Variants in USP20 observed in about 807,000 individuals in gnomAD.
USP20 encodes the protein ubiquitin carboxyl-terminal hydrolase 20.
In USP20, 80 loss-of-function variants were observed where a neutral mutation model predicts 124.2. The observed-to-expected ratio is 0.64, with a 90% confidence interval of 0.54 to 0.78. The LOEUF is 0.78. Ranked by LOEUF, USP20 falls within the 30% of genes least tolerant of loss-of-function variation. USP20 has a pLI of 0.00. For synonymous variants in USP20, 481 were observed against 512.3 expected (o/e 0.94, Z 0.83); for missense variants, 1,043 against 1,244.4 (o/e 0.84, Z 2.44).
chr9:129,876,094 C>A, intron 21 of USP20, 36 bp from the exon 22 acceptor site: 1 of 1,573,178 alleles, frequency 6.4e-7, no homozygotes, highest in Non-Finnish European at 8.7e-7. Flanking sequence ...TGGTACCCCG[C>A]TCAGGCCGTG....
chr9:129,841,209 G>A (rs2032190878), intron 1 of USP20, among the ~76,000 whole-genome samples: 1 of 152,188 alleles, frequency 6.6e-6, no homozygotes, highest in Non-Finnish European at 1.5e-5. Flanking sequence ...TCAAGGTGCC[G>A]ACAGGTTTGG....
Position 129,873,693 on chromosome 9 carries a change from C to A in USP20, c.1695-6C>A. 6.2e-7 allele frequency: 1 copy of A among 1,613,460 alleles called. No individual in the cohort carries two copies. The highest frequency in any genetic ancestry group is 8.5e-7 in the Non-Finnish European group (1 of 1,180,016). On this transcript the variant is annotated splice_polypyrimidine_tract_variant and splice_region_variant and intron_variant, in intron 16 of 25. Coordinates refer to ENST00000372429, the MANE Select transcript of USP20 (RefSeq NM_001110303.4). ...ACACTGATGCTGGCTCGTGCTTCCT[C>A]CCCAGGCTGCGGAACGGAGTGAAGT...
intron 22 of USP20, among the ~76,000 whole-genome samples, chr9:129,877,792 G>C (rs758396795): frequency 4.4e-4 from 67 of 152,168 alleles, no homozygotes; most frequent in Non-Finnish European, 7.1e-4. Flanking sequence ...CATCTCCCAG[G>C]CCGGGCGCAG....
chr9:129,875,642 G>A lies in USP20; in HGVS notation c.2300+1G>A. On this transcript the variant is annotated splice_donor_variant, in intron 21 of 25. Coordinates refer to ENST00000372429, the MANE Select transcript of USP20 (RefSeq NM_001110303.4). LOFTEE classifies it high-confidence loss of function. ...ACGTCTGGGAGCACCTGTACAACAGGTGAGAGCCTGGGAGGCCAACTTGTC... is the reference window on the plus strand; with the variant it reads ...ACGTCTGGGAGCACCTGTACAACAGATGAGAGCCTGGGAGGCCAACTTGTC... 6.2e-7 allele frequency: 1 copy of A among 1,613,868 alleles called. No homozygotes were observed. Among genetic ancestry groups the A allele is most frequent in the Non-Finnish European group, 8.5e-7 (1 of 1,179,950 alleles).
chr9:129,878,595 G>T (rs754928854), intron 23 of USP20, among the ~76,000 whole-genome samples, 155 bp downstream of exon 23: 1 of 152,190 alleles, frequency 6.6e-6, no homozygotes, highest in Admixed American at 6.5e-5. Flanking sequence ...ATGGGGCTTT[G>T]CCAGTCCCCA....
intron 10 of USP20, 136 bp downstream of exon 10, chr9:129,865,517 C>T (rs1471350984): frequency 2.3e-6 from 2 of 861,074 alleles, no homozygotes; most frequent in Admixed American, 2.1e-5. Flanking sequence ...GGCTCTCACT[C>T]CTAAGCCCTT....
At chr9:129,837,126 G>A (rs1411542799) in intron 1 of USP20, among the ~76,000 whole-genome samples, 1 of 152,202 alleles carries the variant, frequency 6.6e-6, no homozygotes, top group Non-Finnish European at 1.5e-5. Context: ...GTGCTCTTTA[G>A]CAAAAGGAAT....
intron 1 of USP20, among the ~76,000 whole-genome samples, chr9:129,846,767 C>CA (rs568184906): frequency 2.8e-4 from 43 of 151,744 alleles, no homozygotes; most frequent in Non-Finnish European, 4.1e-4. Context: ...GCTGGGAATA[C>CA]AGGCTCCCGC....
chr9:129,862,106 C>T (rs375909930), intron 8 of USP20, among the ~76,000 whole-genome samples: 100 of 141,224 alleles, frequency 7.1e-4, no homozygotes, highest in African/African-American at 2.3e-3. Context: ...ACGTGCTTCT[C>T]CTACCCAGTG....
chr9:129,840,007 G>A (rs2032102905), intron 1 of USP20, among the ~76,000 whole-genome samples: 1 of 152,134 alleles, frequency 6.6e-6, no homozygotes, highest in Non-Finnish European at 1.5e-5. Flanking sequence ...AGCAATGGTG[G>A]GCTCTTTGCC....
intron 15 of USP20, among the ~76,000 whole-genome samples, chr9:129,872,011 C>A (rs889301958): frequency 6.6e-6 from 1 of 152,044 alleles, no homozygotes; most frequent in African/African-American, 2.4e-5. Context: ...CCACCGCACC[C>A]AGCCTCGTTG....
chr9:129,878,013 A>G (rs1404940007), intron 22 of USP20, among the ~76,000 whole-genome samples: 4 of 152,160 alleles, frequency 2.6e-5, no homozygotes, highest in African/African-American at 7.2e-5. Context: ...CAGAGGTTGC[A>G]GTAAGCCGAG....
In USP20 at chr9:129,861,571, C is replaced by T. The variant is rs1460219657; in HGVS notation, c.456C>T (p.Asn152=). Residue 152 remains asparagine (N), a synonymous_variant, in exon 8 of 26, where the codon AAC becomes AAT. Transcript: ENST00000372429. Reference sequence around the variant, plus strand: ...TCACGGGCATGAAGAACCTCGGGAACTCCTGCTACATGAACGCTGCCCTGC... The same window carrying T: ...TCACGGGCATGAAGAACCTCGGGAATTCCTGCTACATGAACGCTGCCCTGC... The part of the protein sequence containing the change: ...RGLTGMKNLG[N]SCYMNAALQA... The T allele has an allele frequency of 2.5e-6, 4 of 1,614,152 alleles. No homozygotes were observed. Among genetic ancestry groups the T allele is most frequent in the Non-Finnish European group, 3.4e-6 (4 of 1,180,028 alleles).
At chr9:129,860,377 C>CT (rs2033478319) in intron 6 of USP20, among the ~76,000 whole-genome samples, 1 of 150,988 alleles carries the variant, frequency 6.6e-6, no homozygotes. Flanking sequence ...AGACTATTAA[C>CT]AGCAGTTCTC....
intron 1 of USP20, among the ~76,000 whole-genome samples, chr9:129,848,708 C>T (rs76209329): frequency 2.1e-4 from 32 of 151,898 alleles, no homozygotes; most frequent in Non-Finnish European, 3.7e-4. Context: ...CCCAGCCACC[C>T]GACTGGAGAG....
chr9:129,840,124 G>C (rs2032114795), intron 1 of USP20, among the ~76,000 whole-genome samples: 1 of 150,638 alleles, frequency 6.6e-6, no homozygotes, highest in South Asian at 2.1e-4. Context: ...CTGACTTGTT[G>C]TACAGTAGGT....
intron 15 of USP20, 23 bp from the exon 16 acceptor site, chr9:129,873,459 G>A (rs1158318788): frequency 6.2e-7 from 1 of 1,614,022 alleles, no homozygotes; most frequent in Non-Finnish European, 8.5e-7. Context: ...GCTAACCTCT[G>A]ACCCTTTGTT....
chr9:129,856,212 C>A, intron 3 of USP20, 95 bp from the exon 4 acceptor site: 1 of 1,273,714 alleles, frequency 7.9e-7, no homozygotes, highest in Non-Finnish European at 1.1e-6. Flanking sequence ...TGCATGTCAG[C>A]CAGGTGGGGC....
rs2032974035 is a variant in USP20, at chr9:129,852,435, GC to G, written c.-16-104del. 14 of 890,194 alleles carry G rather than the reference GC, an allele frequency of 1.6e-5. No homozygotes were observed. In the South Asian group the frequency reaches 2.3e-4, roughly 14 times the overall value. 55.1% of individuals were successfully genotyped at this position (890,194 alleles called of 1,614,324 possible). On this transcript the variant is annotated intron_variant, in intron 2 of 25. Transcript: ENST00000372429. Reference sequence around the variant, plus strand: ...TCCCTGCGTTACCAGCTGGTTTGTGGCAGACCAGGACTCAAGGCCAAAGTCA... The same window carrying G: ...TCCCTGCGTTACCAGCTGGTTTGTGGAGACCAGGACTCAAGGCCAAAGTCA...
Sources: gnomAD v4.1 joint callset for allele counts (sites outside exome capture counted in the v4.1 genomes callset) on GRCh38, gnomAD v4.1.1 for gene constraint, MANE v1.5 for transcripts, NCBI Gene and HGNC (gene_info 2026-07-23, HGNC 2026-07-21) for gene names.